ZNF469: variants seen among roughly 807,000 people sequenced by gnomAD.
ZNF469 encodes zinc finger protein 469.
Under a neutral mutation model 1.0 loss-of-function variants are expected in ZNF469, and 1 was observed. The observed-to-expected ratio is 1.00, with a 90% confidence interval of 0.35 to 4.73. ZNF469 has a LOEUF of 4.73. Among genes scored for constraint, ZNF469 ranks in the 30% most tolerant of loss-of-function variants. The pLI is 0.16. For missense variants in ZNF469, 6,100 were observed against 5,356.3 expected (o/e 1.14, Z -4.33); for synonymous variants, 2,703 against 2,363.4 (o/e 1.14, Z -4.17).
chr16:88,394,392 T>A (rs1377080753), intron 1 of ZNF469, among the ~76,000 whole-genome samples: 3 of 152,168 alleles, frequency 2.0e-5, no homozygotes, highest in African/African-American at 7.2e-5. Flanking sequence ...AAATGAACTT[T>A]AATGATACAT....
the ZNF469 span, among the ~76,000 whole-genome samples, chr16:88,249,894 C>G: frequency 6.6e-6 from 1 of 152,206 alleles, no homozygotes; most frequent in Non-Finnish European, 1.5e-5. Flanking sequence ...ATGTGTGACT[C>G]CTCCTCACCC....
intron 1 of ZNF469, among the ~76,000 whole-genome samples, chr16:88,409,273 G>A (rs539980303): frequency 2.6e-5 from 4 of 152,388 alleles, no homozygotes; most frequent in East Asian, 3.9e-4. Context: ...GAGGTCTCTT[G>A]GAGCCATCTG....
At position 88,431,420 on chromosome 16, in the gene ZNF469, A is replaced by G. The variant is rs772817384; in HGVS notation, c.3950A>G (p.Lys1317Arg). The change falls in exon 3 of 3, where the codon AAG (lysine) becomes AGG (arginine). Residue 1317 changes from lysine (K) to arginine (R), a missense_variant. Physicochemically the swap from Lys to Arg is conservative, Grantham distance 26. Coordinates refer to ENST00000565624, the MANE Select transcript of ZNF469 (RefSeq NM_001367624.2). The stretch of plus-strand genomic sequence containing the variant: ...CAGGCCCCAGTCTCCCACAACAGCA[A>G]GGACCCCCCTGCCCGCCAGCCTGGA... ...GTQAPVSHNS[K>R]DPPARQPGEF... 8.3e-4 allele frequency: 1,284 copies of G among 1,550,178 alleles called. 1 individual carries two copies. Among genetic ancestry groups the G allele is most frequent in the Non-Finnish European group, 8.6e-4 (992 of 1,146,978 alleles).
chr16:88,306,232 C>T, the ZNF469 span, among the ~76,000 whole-genome samples: 2 of 152,254 alleles, frequency 1.3e-5, no homozygotes, highest in Non-Finnish European at 2.9e-5. Context: ...GTGCTGCCAG[C>T]ACCCTCCAGG....
At chr16:88,263,426 C>T in the ZNF469 span, among the ~76,000 whole-genome samples, 2 of 152,190 alleles carry the variant, frequency 1.3e-5, no homozygotes, top group Non-Finnish European at 2.9e-5. Flanking sequence ...CTGCACTTGT[C>T]CTGGGCCGCT....
At chr16:88,413,208 G>A (rs553279530) in intron 1 of ZNF469, among the ~76,000 whole-genome samples, 2 of 152,228 alleles carry the variant, frequency 1.3e-5, no homozygotes, top group African/African-American at 4.8e-5. Flanking sequence ...CTGCCATCCC[G>A]TGTGCACGAG....
the ZNF469 span, among the ~76,000 whole-genome samples, chr16:88,266,077 T>A: frequency 5.9e-3 from 906 of 152,362 alleles, 8 homozygotes; most frequent in African/African-American, 0.021. Context: ...GCAGCAGGCC[T>A]GAGTTCCGTG....
the ZNF469 span, among the ~76,000 whole-genome samples, chr16:88,190,436 G>A: frequency 6.4e-4 from 97 of 152,368 alleles, no homozygotes; most frequent in African/African-American, 1.9e-3. Context: ...GACAGGTGGC[G>A]TGTTTGTGAA....
the ZNF469 span, among the ~76,000 whole-genome samples, chr16:88,166,048 A>G: frequency 6.6e-6 from 1 of 152,270 alleles, no homozygotes. The surrounding 1 kb of genome is among the most constrained non-coding windows in gnomAD (Gnocchi z 4.5). Flanking sequence ...ACTGAGGCCC[A>G]CGCCAGTGAG....
At chr16:88,357,488 C>T in the ZNF469 span, among the ~76,000 whole-genome samples, 3 of 152,212 alleles carry the variant, frequency 2.0e-5, no homozygotes, top group Non-Finnish European at 4.4e-5. Context: ...ACTCCCCCTC[C>T]CTGGGCCTCG....
rs1406997880 is a variant in ZNF469, at chr16:88,436,529, C to A, written c.9059C>A (p.Pro3020His). The A allele has an allele frequency of 2.6e-6, 4 of 1,549,216 alleles. No homozygotes were observed. The highest frequency in any genetic ancestry group is 3.5e-6 in the Non-Finnish European group (4 of 1,146,944). ...TCTCTCGGAGATGTGAGCCCCGAGC[C>A]CCCCAGCCTGGAGAGAGAACGCTGT... ...SSSLGDVSPE[P>H]PSLERERCDG... The change falls in exon 3 of 3, where the codon CCC (proline) becomes CAC (histidine). Residue 3020 changes from proline to histidine, a missense_variant. Pro to His is a moderately conservative substitution (Grantham distance 77). Coordinates refer to ENST00000565624, the MANE Select transcript of ZNF469 (RefSeq NM_001367624.2).
At chr16:88,263,487 G>C in the ZNF469 span, among the ~76,000 whole-genome samples, 1 of 152,152 alleles carries the variant, frequency 6.6e-6, no homozygotes, top group Admixed American at 6.5e-5. Context: ...ACGTGTGCGG[G>C]GCCCCAAGGA....
chr16:88,425,222 G>A (rs1905647342), intron 2 of ZNF469, among the ~76,000 whole-genome samples: 1 of 152,132 alleles, frequency 6.6e-6, no homozygotes, highest in Non-Finnish European at 1.5e-5. Flanking sequence ...CTCCGTAAAG[G>A]CCACCTCCTC....
Position 88,403,687 on chromosome 16 carries a change from C to T in ZNF469, c.-192+20433C>T, listed in dbSNP as rs546626866. Among the ~76,000 whole-genome samples the T allele has an allele frequency of 2.6e-5, 4 of 152,354 alleles. No homozygotes were observed. The East Asian group carries it at 7.7e-4, about 29-fold the overall frequency. On this transcript the variant is annotated intron_variant, in intron 1 of 2. Transcript: ENST00000565624. ...CATTTGTTTCTGTCTTGATCATTGA[C>T]CCTTTCCATTCTGCAATTGTTACAA...
chr16:88,184,573 C>T, the ZNF469 span, among the ~76,000 whole-genome samples: 1 of 151,884 alleles, frequency 6.6e-6, no homozygotes, highest in South Asian at 2.1e-4. Flanking sequence ...GAGGTGTGGA[C>T]GCCCGCGCCA....
At chr16:88,341,337 G>A in the ZNF469 span, among the ~76,000 whole-genome samples, 1 of 152,136 alleles carries the variant, frequency 6.6e-6, no homozygotes, top group Non-Finnish European at 1.5e-5. Flanking sequence ...CTCCCACTGG[G>A]AACATGCGTT....
chr16:88,413,470 T>TG (rs1156315869), intron 1 of ZNF469, among the ~76,000 whole-genome samples: 2 of 152,220 alleles, frequency 1.3e-5, no homozygotes, highest in Non-Finnish European at 2.9e-5. Flanking sequence ...GTGTTTTCTG[T>TG]GTTTTTCTGA....
the ZNF469 span, among the ~76,000 whole-genome samples, chr16:88,368,104 G>A: frequency 1.6e-4 from 25 of 152,328 alleles, no homozygotes; most frequent in Non-Finnish European, 1.3e-4. Flanking sequence ...ACAATCCCGC[G>A]CTTATATCAA....
chr16:88,165,734 T>C, the ZNF469 span, among the ~76,000 whole-genome samples: 4 of 152,206 alleles, frequency 2.6e-5, no homozygotes, highest in Non-Finnish European at 5.9e-5. Flanking sequence ...CCAGAACTTA[T>C]TTGATTCCAC....
Sources: allele counts gnomAD v4.1 joint callset (sites outside exome capture counted in the v4.1 genomes callset), GRCh38; gene constraint gnomAD v4.1.1; non-coding constraint Gnocchi (gnomAD v3.1); transcripts MANE v1.5; gene names NCBI Gene and HGNC (gene_info 2026-07-23, HGNC 2026-07-21).